Variants in DDX19A observed in about 807,000 individuals in gnomAD.
DDX19A encodes the protein DEAD-box helicase 19A, also known as ATP-dependent RNA helicase DDX19A.
Under a neutral mutation model 60.6 loss-of-function variants are expected in DDX19A, and 12 were observed. The ratio of observed to expected loss-of-function variants is 0.20; its 90% confidence interval spans 0.13 to 0.32. DDX19A has a LOEUF of 0.32. DDX19A is among the 10% of genes least tolerant of loss of function. The pLI is 1.00. For synonymous variants in DDX19A, 206 were observed against 218.2 expected (o/e 0.94, Z 0.49); for missense variants, 337 against 600.6 (o/e 0.56, Z 4.59).
At chr16:70,359,476 C>T (rs1249188638) in intron 4 of DDX19A, among the ~76,000 whole-genome samples, 2 of 152,172 alleles carry the variant, frequency 1.3e-5, no homozygotes, top group Non-Finnish European at 2.9e-5. Flanking sequence ...TCTTAAACAT[C>T]TTGTCAATTT....
chr16:70,361,119 A>G (rs1167777717), intron 4 of DDX19A, among the ~76,000 whole-genome samples: 1 of 152,178 alleles, frequency 6.6e-6, no homozygotes, highest in Non-Finnish European at 1.5e-5. Flanking sequence ...TCCAGGGAAC[A>G]CTTGTCTTCC....
Position 70,359,476 on chromosome 16 carries a change from C to G in DDX19A, c.294-1942C>G, listed in dbSNP as rs1249188638. On this transcript the variant is annotated intron_variant, in intron 4 of 11. Transcript: ENST00000302243. ...ATCTGGTATGATTTTTCTTAAACAT[C>G]TTGTCAATTTAGAGGTAGCAGAGAG... is the stretch of plus-strand genomic sequence containing the variant. Among the ~76,000 whole-genome samples the G allele has an allele frequency of 2.0e-5, 3 of 152,172 alleles. 1 individual carries two copies. Among genetic ancestry groups the G allele is most frequent in the Admixed American group, 6.6e-5 (1 of 15,258 alleles).
rs117810305 is a variant in DDX19A at position 70,350,154 on chromosome 16, G to A, written c.58-403G>A. Among the ~76,000 whole-genome samples the A allele has an allele frequency of 2.1e-4, 32 of 152,310 alleles. No homozygotes were observed. The East Asian group carries it at 5.8e-3, about 28-fold the overall frequency. On this transcript the variant is annotated intron_variant, in intron 1 of 11. Coordinates refer to ENST00000302243, the MANE Select transcript of DDX19A (RefSeq NM_018332.5). ...TGTGTTCCCAGCTACTAGGGAGGCT[G>A]AGGTGGGAGGATCGCTAGAACCCAG...
chr16:70,357,498 C>T (rs1376233003), intron 4 of DDX19A, among the ~76,000 whole-genome samples: 1 of 146,474 alleles, frequency 6.8e-6, no homozygotes, highest in African/African-American at 2.5e-5. Flanking sequence ...GATTCTCCTG[C>T]CTTAGCCTCC....
At chr16:70,370,600 G>T in intron 10 of DDX19A, 1 of 701,328 alleles carries the variant, frequency 1.4e-6, no homozygotes, top group Non-Finnish European at 2.1e-6. Context: ...CAATCCCAAG[G>T]CAGGAAAATT....
At chr16:70,359,083 G>A (rs1964299224) in intron 4 of DDX19A, among the ~76,000 whole-genome samples, 1 of 152,160 alleles carries the variant, frequency 6.6e-6, no homozygotes, top group Admixed American at 6.6e-5. Context: ...TAAAAGACAG[G>A]TTCTCTCTGA....
chr16:70,359,282 C>G (rs1964305587), intron 4 of DDX19A, among the ~76,000 whole-genome samples: 1 of 152,164 alleles, frequency 6.6e-6, no homozygotes, highest in Admixed American at 6.6e-5. Flanking sequence ...AAGTCAGAAG[C>G]TGCCGAGTGT....
At chr16:70,348,221 G>C (rs1963900933) in intron 1 of DDX19A, among the ~76,000 whole-genome samples, 1 of 152,112 alleles carries the variant, frequency 6.6e-6, no homozygotes, top group Admixed American at 6.6e-5. Context: ...CATAATAAAG[G>C]AGAGAAGGGA....
intron 4 of DDX19A, chr16:70,356,937 T>A (rs1244588260): frequency 8.6e-7 from 1 of 1,164,668 alleles, no homozygotes; most frequent in African/African-American, 1.6e-5. Flanking sequence ...ATGTGCTATT[T>A]GTTTTTTTTT....
intron 3 of DDX19A, 129 bp downstream of exon 3, chr16:70,355,664 G>A: frequency 1.3e-6 from 1 of 777,922 alleles, no homozygotes; most frequent in Non-Finnish European, 2.2e-6. Context: ...TCAGTGAGAG[G>A]AGGAGAACAA....
At chr16:70,361,345 A>G in intron 4 of DDX19A, 73 bp from the exon 5 acceptor site, 1 of 1,132,642 alleles carries the variant, frequency 8.8e-7, no homozygotes, top group Non-Finnish European at 1.3e-6. Flanking sequence ...TTCTATAGAA[A>G]AAGATAAGAT....
At chr16:70,371,795 G>C (rs1235712567) in intron 11 of DDX19A, 130 bp from the exon 12 acceptor site, 3 of 1,409,226 alleles carry the variant, frequency 2.1e-6, no homozygotes, top group South Asian at 1.3e-5. Context: ...GACTGTTGCT[G>C]TCAGTGACTA....
At position 70,366,503 on chromosome 16, in the gene DDX19A, C is replaced by T. The variant is rs759189802; in HGVS notation, c.783-121C>T. On this transcript the variant is annotated intron_variant, in intron 8 of 11. Coordinates refer to ENST00000302243, the MANE Select transcript of DDX19A (RefSeq NM_018332.5). The stretch of plus-strand genomic sequence containing the variant: ...CCATCCCAGGCCTGCTGCTCCTCCT[C>T]CCCAAGATGCTCCTCCCCCATCAGC... 163 of 1,399,510 alleles carry T rather than the reference C, an allele frequency of 1.2e-4. 1 individual carries two copies. Among genetic ancestry groups the T allele is most frequent in the Admixed American group, 3.0e-4 (15 of 49,594 alleles). The allele number at this position is 1,399,510 out of a possible 1,614,324, so 86.7% of individuals were successfully genotyped here.
chr16:70,357,353 C>T (rs1597528777), intron 4 of DDX19A, among the ~76,000 whole-genome samples: 1 of 75,014 alleles, frequency 1.3e-5, no homozygotes, highest in Admixed American at 1.6e-4. Context: ...TCTGTCAAAT[C>T]TGTTTTTGGT....
intron 10 of DDX19A, chr16:70,370,621 TG>T: frequency 1.8e-6 from 1 of 541,788 alleles, no homozygotes; most frequent in Non-Finnish European, 3.0e-6. Context: ...GCTTGAACCC[TG>T]GAGACAGAGG....
In DDX19A at chr16:70,365,076, G is replaced by T; in HGVS notation, c.549G>T (p.Gln183His). 1 of 1,614,210 alleles carries T rather than the reference G, an allele frequency of 6.2e-7. No individual in the cohort carries two copies. Among genetic ancestry groups the T allele is most frequent in the Non-Finnish European group, 8.5e-7 (1 of 1,180,044 alleles). ...TTCAAACAGGAAAAGTGATTGAGCA[G>T]ATGGGCAAATTTTACCCAGAACTGA... ...LALQTGKVIE[Q>H]MGKFYPELKL... The change falls in exon 7 of 12, where the codon CAG becomes CAT. Residue 183 changes from glutamine (Q) to histidine (H), a missense_variant. By Grantham distance (24) the Gln-to-His change is conservative. Around this residue, in one of 6 missense-constraint regions of DDX19A, gnomAD observed 62 missense variants for 75.7 expected, o/e 0.82. Coordinates refer to ENST00000302243, the MANE Select transcript of DDX19A (RefSeq NM_018332.5).
intron 9 of DDX19A, among the ~76,000 whole-genome samples, chr16:70,369,559 C>A (rs561967364): frequency 8.0e-4 from 122 of 151,762 alleles, no homozygotes; most frequent in African/African-American, 2.9e-3. Flanking sequence ...CGTGAGCCAC[C>A]GTATCTTGCC....
intron 2 of DDX19A, among the ~76,000 whole-genome samples, chr16:70,353,600 G>A (rs1012425008): frequency 3.3e-5 from 5 of 151,876 alleles, no homozygotes; most frequent in African/African-American, 7.3e-5. Context: ...CATTCTTGCT[G>A]ATGGAAATAT....
intron 8 of DDX19A, 60 bp downstream of exon 8, chr16:70,366,322 C>T: frequency 6.2e-7 from 1 of 1,608,266 alleles, no homozygotes; most frequent in African/African-American, 1.3e-5. Flanking sequence ...CTTCTCCCTT[C>T]ACTTCAGACG....
Sources: allele counts gnomAD v4.1 joint callset (sites outside exome capture counted in the v4.1 genomes callset), GRCh38; gene constraint gnomAD v4.1.1; regional missense constraint gnomAD v4.1.1; transcripts MANE v1.5; gene names NCBI Gene and HGNC (gene_info 2026-07-23, HGNC 2026-07-21).